COL16A1: variants seen among roughly 807,000 people sequenced by gnomAD.
The protein encoded by COL16A1 is collagen type XVI alpha 1 chain, also known as collagen alpha-1(XVI) chain.
In COL16A1, 189 loss-of-function variants were observed where a neutral mutation model predicts 266.3. The observed-to-expected ratio is 0.71, with a 90% CI of 0.63 to 0.80. The LOEUF (loss-of-function observed/expected upper bound fraction) is 0.80, where lower values mean the gene tolerates loss of function less well. Ranked by LOEUF, COL16A1 falls within the 30% of genes least tolerant of loss-of-function variation. The pLI is 0.00. For synonymous variants in COL16A1, 740 were observed against 782.3 expected (o/e 0.95, Z 0.90); for missense variants, 1,928 against 2,122.4 (o/e 0.91, Z 1.80).
In COL16A1 at chr1:31,692,001, C is replaced by T; in HGVS notation, c.1257+4G>A. ...TGTGGTGGGGAAGGGTCCCAGGCAC[C>T]TACGTCCCGGCCTGGCTTTCCCGGC... On this transcript the variant is annotated splice_donor_region_variant and intron_variant, in intron 17 of 70. Coordinates refer to ENST00000373672, the MANE Select transcript of COL16A1 (RefSeq NM_001856.4). The T allele has an allele frequency of 1.9e-6, 3 of 1,613,884 alleles. No individual in the cohort carries two copies. The highest frequency in any genetic ancestry group is 2.5e-6 in the Non-Finnish European group (3 of 1,180,002).
chr1:31,676,876 G>A (rs756134088), intron 42 of COL16A1, among the ~76,000 whole-genome samples: 14 of 152,168 alleles, frequency 9.2e-5, no homozygotes, highest in Non-Finnish European at 1.9e-4. Context: ...GGCGCACTCT[G>A]AGATCTGGCC....
rs1644087498 is a variant in COL16A1 at position 31,688,221 on chromosome 1, C to T, written c.1803+246G>A. Among the ~76,000 whole-genome samples the T allele has an allele frequency of 6.6e-6, 1 of 152,120 alleles. No individual in the cohort carries two copies. The highest frequency in any genetic ancestry group is 2.1e-4 in the South Asian group (1 of 4,832). ...CATATTATAAATATAATAAGGTAAT[C>T]TTGAATGTGCTTAATAGTTTTAGAA... is the stretch of plus-strand genomic sequence containing the variant. On this transcript the variant is annotated intron_variant, in intron 26 of 70. Coordinates refer to ENST00000373672, the MANE Select transcript of COL16A1 (RefSeq NM_001856.4). This position sits in a 1 kb window ranked among gnomAD's most constrained non-coding sequence, Gnocchi z 4.9.
In COL16A1 at chr1:31,688,130, A is replaced by G. The variant is rs1446468297; in HGVS notation, c.1803+337T>C. On this transcript the variant is annotated intron_variant, in intron 26 of 70. Transcript: ENST00000373672. This position sits in a 1 kb window ranked among gnomAD's most constrained non-coding sequence, Gnocchi z 4.9. ...ACCCCATAAACTCTGGGAGGACAAA[A>G]CAAGTGAATATACTTACAAGATTTG... is the stretch of plus-strand genomic sequence containing the variant. Among the ~76,000 whole-genome samples, 2 of 152,222 alleles carry G rather than the reference A, an allele frequency of 1.3e-5. No individual in the cohort carries two copies. Among genetic ancestry groups the G allele is most frequent in the Admixed American group, 1.3e-4 (2 of 15,282 alleles).
chr1:31,681,024 GGT>G lies in COL16A1; in HGVS notation c.2580_2581del (p.Pro861ArgfsTer2). ...GCTGCCCCAAGGCACTGTACTCACTGGTGTTCCTCTGAGTCCCGTCTGTCCTT... is the reference window on the plus strand; with the variant it reads ...GCTGCCCCAAGGCACTGTACTCACTGGTTCCTCTGAGTCCCGTCTGTCCTT... On this transcript the variant is annotated frameshift_variant and splice_region_variant, in exon 38 of 71. Transcript: ENST00000373672. LOFTEE classifies it high-confidence loss of function. 6.2e-7 allele frequency: 1 copy of G among 1,613,726 alleles called. No individual in the cohort carries two copies. Among genetic ancestry groups the G allele is most frequent in the Non-Finnish European group, 8.5e-7 (1 of 1,179,838 alleles).
chr1:31,662,884 A>G lies in COL16A1; in HGVS notation c.3556-226T>C, dbSNP rs544756136. On this transcript the variant is annotated intron_variant, in intron 56 of 70. Transcript: ENST00000373672. ...AAGCATCCCCTTTCCTTGCTGCCCC[A>G]TGAGGAAGGGACAGGGCATCTTCTC... 1.9e-4 allele frequency: 112 copies of G among 581,756 alleles called. No homozygotes were observed. The African/African-American group carries it at 1.9e-3, about 10-fold the overall frequency. 36.0% of individuals were successfully genotyped at this position (581,756 alleles called of 1,614,324 possible).
In COL16A1 at chr1:31,668,806, TC is replaced by T; in HGVS notation, c.3244del (p.Glu1082SerfsTer145). ...GLTGLTGDKG[E>X]PGPPGQPGYP... is the part of the protein sequence containing the mutation. Reference sequence around the variant, plus strand: ...CCCCTGCCAGCTTCTTCTTACCGGCTCCCCCTTGTCTCCAGTCAGGCCCGTG... The same window carrying T: ...CCCCTGCCAGCTTCTTCTTACCGGCTCCCCTTGTCTCCAGTCAGGCCCGTG... On this transcript the variant is annotated frameshift_variant, in exon 50 of 71. Transcript: ENST00000373672. LOFTEE classifies it high-confidence loss of function. The surrounding 1 kb of genome is among the most constrained non-coding windows in gnomAD (Gnocchi z 5.8). 1 of 1,613,266 alleles carries T rather than the reference TC, an allele frequency of 6.2e-7. No homozygotes were observed. The highest frequency in any genetic ancestry group is 2.2e-5 in the East Asian group (1 of 44,828).
intron 2 of COL16A1, among the ~76,000 whole-genome samples, chr1:31,700,589 G>C (rs149404435): frequency 1.4e-3 from 218 of 152,358 alleles, no homozygotes; most frequent in Non-Finnish European, 1.0e-3. Flanking sequence ...CACATTGTGT[G>C]TTATGTACAA....
At chr1:31,692,960 C>T (rs1439902642) in intron 13 of COL16A1, 132 bp downstream of exon 13, 3 of 948,370 alleles carry the variant, frequency 3.2e-6, no homozygotes, top group Non-Finnish European at 1.6e-6. Flanking sequence ...GACCCTGGCC[C>T]TCACCCCCCT....
chr1:31,702,430 C>A (rs1644755768), intron 1 of COL16A1, among the ~76,000 whole-genome samples: 1 of 152,186 alleles, frequency 6.6e-6, no homozygotes, highest in Admixed American at 6.5e-5. Flanking sequence ...AAATATTTAA[C>A]CACCGGTATG....
At position 31,679,823 on chromosome 1, in the gene COL16A1, G is replaced by C. The variant is rs754666666; in HGVS notation, c.2699C>G (p.Ser900Cys). The change falls in exon 41 of 71, where the codon TCC (serine) becomes TGC (cysteine). Residue 900 changes from serine (S) to cysteine (C), a missense_variant. Around this residue, in one of 2 missense-constraint regions of COL16A1, gnomAD observed 1,552 missense variants for 1,637.2 expected, o/e 0.95. Coordinates refer to ENST00000373672, the MANE Select transcript of COL16A1 (RefSeq NM_001856.4). The part of the protein sequence containing the change: ...PGAPGLWMGS[S>C]WQPGPQGPPG... ...ACACACCTGCGGGCCCGGCTGCCAG[G>C]AGCTGCCCATCCAAAGTCCCGGAGC... The C allele has an allele frequency of 5.2e-6, 8 of 1,544,766 alleles. No individual in the cohort carries two copies. Among genetic ancestry groups the C allele is most frequent in the Non-Finnish European group, 7.0e-6 (8 of 1,147,916 alleles).
Position 31,656,454 on chromosome 1 carries a change from A to C in COL16A1, c.4057-10T>G, listed in dbSNP as rs1205467823. ...GCTTTCCAGGGGGTCCCTAGAGGAA[A>C]GCAAAAGTCAGAGGTGAAGTCCGGG... On this transcript the variant is annotated splice_polypyrimidine_tract_variant and intron_variant, in intron 65 of 70. Transcript: ENST00000373672. This position sits in a 1 kb window ranked among gnomAD's most constrained non-coding sequence, Gnocchi z 4.2. 1.9e-6 allele frequency: 3 copies of C among 1,612,030 alleles called. No homozygotes were observed. The Admixed American group carries it at 5.0e-5, about 27-fold the overall frequency.
intron 26 of COL16A1, 68 bp from the exon 27 acceptor site, chr1:31,686,347 C>T (rs1643974343): frequency 1.6e-5 from 25 of 1,607,820 alleles, no homozygotes; most frequent in Non-Finnish European, 2.1e-5. Flanking sequence ...AATCCCAAAC[C>T]CAAAACTGTA....
intron 37 of COL16A1, among the ~76,000 whole-genome samples, chr1:31,681,705 G>A (rs939158023): frequency 6.6e-6 from 1 of 152,240 alleles, no homozygotes; most frequent in African/African-American, 2.4e-5. Context: ...CTCAGGCCAG[G>A]AGAAGCCAGC....
chr1:31,691,670 C>T (rs763273456), intron 17 of COL16A1, 28 bp from the exon 18 acceptor site: 1 of 1,609,324 alleles, frequency 6.2e-7, no homozygotes, highest in Admixed American at 1.7e-5. Flanking sequence ...GGAGGGTGTA[C>T]AAACAGCCCT....
intron 22 of COL16A1, 94 bp from the exon 23 acceptor site, chr1:31,689,945 GT>G: frequency 9.6e-7 from 1 of 1,038,538 alleles, no homozygotes; most frequent in Non-Finnish European, 1.5e-6. Flanking sequence ...TAGACATTGG[GT>G]CCACCAGAGC....
chr1:31,678,259 A>G (rs1643350021), intron 42 of COL16A1, among the ~76,000 whole-genome samples: 1 of 152,150 alleles, frequency 6.6e-6, no homozygotes, highest in Admixed American at 6.5e-5. Flanking sequence ...AGCTTGTAAA[A>G]AGCTTCCATG....
At chr1:31,701,522 G>A (rs1268113440) in intron 2 of COL16A1, 7 of 985,276 alleles carry the variant, frequency 7.1e-6, no homozygotes, top group Non-Finnish European at 8.4e-6. Context: ...AGCAAGGCCA[G>A]GCAAGTTGCC....
chr1:31,697,882 G>A lies in COL16A1; in HGVS notation c.657+24C>T, dbSNP rs1353591951. 1.3e-6 allele frequency: 2 copies of A among 1,584,398 alleles called. No homozygotes were observed. Among genetic ancestry groups the A allele is most frequent in the South Asian group, 1.1e-5 (1 of 88,924 alleles). On this transcript the variant is annotated intron_variant, in intron 6 of 70. Transcript: ENST00000373672. The surrounding 1 kb of genome is among the most constrained non-coding windows in gnomAD (Gnocchi z 4.2). ...AGGTTCCCAGAAGGCAGGAACAGAG[G>A]TCAGGGCCTGACCTAGCACTCACCG...
At chr1:31,701,233 A>C (rs908503212) in intron 2 of COL16A1, among the ~76,000 whole-genome samples, 6 of 151,938 alleles carry the variant, frequency 3.9e-5, no homozygotes, top group Non-Finnish European at 5.9e-5. Context: ...TGGGTGACTC[A>C]CCCCTTGGCA....
Sources: allele counts gnomAD v4.1 joint callset (sites outside exome capture counted in the v4.1 genomes callset), GRCh38; gene constraint gnomAD v4.1.1; regional missense constraint gnomAD v4.1.1; non-coding constraint Gnocchi (gnomAD v3.1); transcripts MANE v1.5; gene names NCBI Gene and HGNC (gene_info 2026-07-23, HGNC 2026-07-21).